SORBS2: variants seen among roughly 807,000 people sequenced by gnomAD.
SORBS2 encodes the protein sorbin and SH3 domain containing 2.
SORBS2 carries 46 observed loss-of-function variants against 97.7 expected under a neutral mutation model. That is an observed-to-expected ratio of 0.47 (90% CI 0.37 to 0.60). The LOEUF (loss-of-function observed/expected upper bound fraction) is 0.60, where lower values mean the gene tolerates loss of function less well. SORBS2 is among the 20% of genes least tolerant of loss of function. The probability of loss-of-function intolerance (pLI) is 0.00; values close to 1 mark genes in which losing one functional copy is unlikely to be tolerated. For missense variants in SORBS2, 1,316 were observed against 1,282.3 expected, an observed-to-expected ratio of 1.03 and a Z score of -0.40; for synonymous variants, 476 against 473.4, an observed-to-expected ratio of 1.01 and a Z score of -0.07.
chr4:185,618,625 G>A, exon 9 of SORBS2: 4 of 1,532,748 alleles, frequency 2.6e-6, no homozygotes, highest in South Asian at 1.3e-5. Flanking sequence ...GCTTTTGCAG[G>A]CAATTTCTGA....
At chr4:185,911,182 T>C (rs2099254861) in intron 1 of SORBS2, among the ~76,000 whole-genome samples, 1 of 152,188 alleles carries the variant, frequency 6.6e-6, no homozygotes, top group Non-Finnish European at 1.5e-5. Context: ...CATAAACTTA[T>C]CTCATATGTC....
chr4:185,689,959 T>C (rs1232661280), intron 2 of SORBS2, among the ~76,000 whole-genome samples: 1 of 152,222 alleles, frequency 6.6e-6, no homozygotes, highest in Non-Finnish European at 1.5e-5. Flanking sequence ...TTATTTCTAC[T>C]GTGGAAAAAA....
rs147692079 is a variant in SORBS2, at chr4:185,624,505, A to G, written c.635-11T>C. 261 of 1,588,732 alleles carry G rather than the reference A, an allele frequency of 1.6e-4. No individual in the cohort carries two copies. In the African/African-American group the frequency reaches 2.7e-3, roughly 17 times the overall value. ...TGCTATCATCCCCACCTTTTAATCC[A>G]GAGCAGCGTGGTAGAAGAGAGACAT... On this transcript the variant is annotated splice_polypyrimidine_tract_variant and intron_variant, in intron 6 of 14. Coordinates refer to ENST00000418609, the Ensembl canonical transcript of SORBS2.
At chr4:185,705,057 TACACAAACACATGTGCCCATGCACAGGC>T (rs1399224544) in intron 2 of SORBS2, among the ~76,000 whole-genome samples, 1 of 152,204 alleles carries the variant, frequency 6.6e-6, no homozygotes, top group Non-Finnish European at 1.5e-5. Flanking sequence ...CATGTGCACA[TACACAAACACATGTGCCCATGCACAGGC>T]ACACGTACAC....
At chr4:185,776,341 T>C (rs1365059160) in intron 1 of SORBS2, among the ~76,000 whole-genome samples, 1 of 152,208 alleles carries the variant, frequency 6.6e-6, no homozygotes, top group Non-Finnish European at 1.5e-5. Context: ...CTCTTTCTAT[T>C]GTGGATGAAG....
chr4:185,741,218 G>A (rs1273116059), intron 2 of SORBS2, among the ~76,000 whole-genome samples: 2 of 151,848 alleles, frequency 1.3e-5, no homozygotes, highest in Non-Finnish European at 1.5e-5. Context: ...GGCATCGTTA[G>A]AAACCTTTAG....
chr4:185,821,347 C>T (rs1299239480), intron 1 of SORBS2, among the ~76,000 whole-genome samples: 1 of 152,162 alleles, frequency 6.6e-6, no homozygotes, highest in Admixed American at 6.6e-5. Flanking sequence ...CACTGTTTGT[C>T]AAACACCTTG....
intron 1 of SORBS2, among the ~76,000 whole-genome samples, chr4:185,875,751 G>A (rs536852241): frequency 2.0e-5 from 3 of 152,296 alleles, no homozygotes; most frequent in Non-Finnish European, 2.9e-5. Context: ...CCATGCTTAC[G>A]TGCATATGTA....
exon 15 of SORBS2, chr4:185,585,661 C>G (rs1197153515): frequency 2.0e-5 from 3 of 152,188 alleles, no homozygotes. Flanking sequence ...AGAGTAGAAA[C>G]AGTAATTTTT....
chr4:185,621,873 A>G (rs2096726010), intron 7 of SORBS2, among the ~76,000 whole-genome samples: 1 of 152,194 alleles, frequency 6.6e-6, no homozygotes, highest in Admixed American at 6.5e-5. Context: ...CCCAACTTCC[A>G]AAATTGAAAA....
At chr4:185,896,179 T>C (rs1218332516) in intron 1 of SORBS2, among the ~76,000 whole-genome samples, 1 of 152,124 alleles carries the variant, frequency 6.6e-6, no homozygotes, top group African/African-American at 2.4e-5. Context: ...GGGAAATAGG[T>C]AGGAAAGACA....
intron 12 of SORBS2, 29 bp from the exon 25 acceptor site, chr4:185,593,964 A>G (rs779804113): frequency 1.3e-6 from 2 of 1,519,062 alleles, no homozygotes; most frequent in South Asian, 1.1e-5. Context: ...CAATGTAATC[A>G]ATGTTTAAAC....
chr4:185,746,441 C>T (rs756853959), intron 2 of SORBS2, among the ~76,000 whole-genome samples: 8 of 152,130 alleles, frequency 5.3e-5, no homozygotes, highest in South Asian at 4.1e-4. Flanking sequence ...CTCAGCCTCC[C>T]GAGTAGCTGG....
chr4:185,859,915 T>C lies in SORBS2; in HGVS notation c.-337-84549A>G, dbSNP rs192390266. Among the ~76,000 whole-genome samples, 4 of 152,342 alleles carry C rather than the reference T, an allele frequency of 2.6e-5. No homozygotes were observed. In the East Asian group the frequency reaches 7.7e-4, roughly 29 times the overall value. ...GTAAAGAAGCAAACACTGTGAGTCA[T>C]GCAGAGAGATGAATGGTAAGTAAAC... On this transcript the variant is annotated intron_variant, in intron 1 of 20. Coordinates refer to the SORBS2 transcript ENST00000284776.
intron 1 of SORBS2, among the ~76,000 whole-genome samples, chr4:185,896,066 C>T (rs977866106): frequency 6.6e-6 from 1 of 152,002 alleles, no homozygotes; most frequent in African/African-American, 2.4e-5. Context: ...TGCTCATAGG[C>T]CAAAAAAAGC....
intron 1 of SORBS2, among the ~76,000 whole-genome samples, chr4:185,776,748 AAATTAGCAGG>A (rs1015102596): frequency 1.3e-5 from 2 of 152,004 alleles, no homozygotes; most frequent in African/African-American, 4.8e-5. Flanking sequence ...AAAATGCAAA[AAATTAGCAGG>A]ATGTCGTGGC....
intron 2 of SORBS2, among the ~76,000 whole-genome samples, chr4:185,708,654 G>A (rs10029635): frequency 0.47 from 72,145 of 151,906 alleles, 17,710 homozygotes; most frequent in Non-Finnish European, 0.56. Context: ...CCTTCTTTCC[G>A]CCCTCCGTGA....
chr4:185,617,311 G>GA (rs906684812), intron 9 of SORBS2, among the ~76,000 whole-genome samples: 1 of 149,934 alleles, frequency 6.7e-6, no homozygotes, highest in Non-Finnish European at 1.5e-5. Context: ...TCTCTAATTT[G>GA]AAAAAAAAAG....
At chr4:185,646,588 A>C in intron 4 of SORBS2, 80 bp downstream of exon 13, 1 of 776,488 alleles carries the variant, frequency 1.3e-6, no homozygotes, top group Non-Finnish European at 2.2e-6. Context: ...AAAATTGCTA[A>C]TGGGTCTGAA....
Sources: gnomAD v4.1 joint callset for allele counts (sites outside exome capture counted in the v4.1 genomes callset) on GRCh38, gnomAD v4.1.1 for gene constraint, MANE v1.5 for transcripts, NCBI Gene and HGNC (gene_info 2026-07-23, HGNC 2026-07-21) for gene names.